Variants in ORC1 observed in about 807,000 individuals in gnomAD.
ORC1 encodes the protein origin recognition complex, subunit 1 homolog.
In ORC1, 61 loss-of-function variants were observed where a neutral mutation model predicts 98.9. That is an observed-to-expected ratio of 0.62 (90% CI 0.50 to 0.76). ORC1 has a LOEUF of 0.76. Ranked by LOEUF, ORC1 falls within the 30% of genes least tolerant of loss-of-function variation. ORC1 has a pLI of 0.00. For synonymous variants in ORC1, 385 were observed against 406.9 expected, an observed-to-expected ratio of 0.95 and a Z score of 0.65; for missense variants, 979 against 1,072.2, an observed-to-expected ratio of 0.91 and a Z score of 1.21.
upstream of ORC1, chr1:52,408,846 T>G: frequency 1.1e-6 from 1 of 880,242 alleles, no homozygotes; most frequent in Non-Finnish European, 1.7e-6. Context: ...CTCATGGGAG[T>G]TTTCAGTCTG....
At chr1:52,373,495 GA>G in intron 16 of ORC1, 120 bp from the exon 17 acceptor site, 2 of 830,298 alleles carry the variant, frequency 2.4e-6, no homozygotes, top group Non-Finnish European at 4.0e-6. Context: ...AAACACTCCA[GA>G]AGGCATCAGT....
chr1:52,393,454 G>A lies in ORC1; in HGVS notation c.1071C>T (p.Asn357=), dbSNP rs575080218. ...ATGTCCCTGGTCACCTCTTTTTGAT[G>A]TTTTCTGGTTTCAGAATCACGGATG... ...VVPSVILKPE[N]IKKRDAKEAK... The change falls in exon 6 of 17, where the codon AAC becomes AAT. Residue 357 remains asparagine, a synonymous_variant. Transcript: ENST00000371568. 6.2e-7 allele frequency: 1 copy of A among 1,614,164 alleles called. No individual in the cohort carries two copies. Among genetic ancestry groups the A allele is most frequent in the South Asian group, 1.1e-5 (1 of 91,082 alleles).
At chr1:52,405,713 G>T (rs543339190), upstream of ORC1, 23 of 1,613,846 alleles carry the variant, frequency 1.4e-5, no homozygotes, top group Middle Eastern at 3.4e-4. Flanking sequence ...ATGGAGTTAA[G>T]GTTTGTGGGT....
At chr1:52,383,272 C>T in intron 13 of ORC1, 148 bp downstream of exon 13, 2 of 828,306 alleles carry the variant, frequency 2.4e-6, no homozygotes, top group Non-Finnish European at 4.1e-6. Flanking sequence ...TGGTCTTGAA[C>T]TCCTGACCTC....
intron 14 of ORC1, among the ~76,000 whole-genome samples, chr1:52,376,062 G>A (rs961058432): frequency 6.6e-6 from 1 of 152,152 alleles, no homozygotes; most frequent in African/African-American, 2.4e-5. Context: ...CAATGGCTAA[G>A]AGGACCAGAA....
At chr1:52,382,596 T>TG (rs1491256722) in intron 13 of ORC1, among the ~76,000 whole-genome samples, 2 of 125,146 alleles carry the variant, frequency 1.6e-5, no homozygotes, top group South Asian at 2.4e-4. Context: ...TTTTTTTTTT[T>TG]GAGACAGAGT....
intron 14 of ORC1, among the ~76,000 whole-genome samples, chr1:52,379,245 T>A (rs1051174191): frequency 2.7e-5 from 4 of 149,662 alleles, no homozygotes; most frequent in Non-Finnish European, 4.5e-5. Flanking sequence ...TAGGGTATTT[T>A]TTTTTTTTTT....
In ORC1 at chr1:52,401,475, T is replaced by G; in HGVS notation, c.110A>C (p.Lys37Thr). ...HYQTYREMCV[K>T]TEGCSTEIHI... ...AATCTCGGTGGAACAACCTTCTGTT[T>G]TCACACACATTTCTCTAGGAAGTAA... Residue 37 changes from lysine (K) to threonine (T), a missense_variant, in exon 3 of 17, where the codon AAA (lysine) becomes ACA (threonine). Coordinates refer to ENST00000371568, the MANE Select transcript of ORC1 (RefSeq NM_004153.4). The G allele has an allele frequency of 6.2e-7, 1 of 1,613,486 alleles. No individual in the cohort carries two copies. The highest frequency in any genetic ancestry group is 8.5e-7 in the Non-Finnish European group (1 of 1,179,860).
chr1:52,406,240 C>G (rs566623286), upstream of ORC1, among the ~76,000 whole-genome samples: 34 of 152,208 alleles, frequency 2.2e-4, no homozygotes, highest in East Asian at 3.9e-4. Context: ...CCCCTCCCCC[C>G]CCGGGCCTCC....
At position 52,383,849 on chromosome 1, in the gene ORC1, G is replaced by A; in HGVS notation, c.1844C>T (p.Thr615Ile). 1 of 1,614,008 alleles carries A rather than the reference G, an allele frequency of 6.2e-7. No individual in the cohort carries two copies. ...FCTRGSPQET[T>I]VLLVDELDLL... ...CCTCACCTCATCCACAAGCAGGACG[G>A]TGGTTTCCTGAGGTGACCCTCGGGT... The change falls in exon 12 of 17, where the codon ACC becomes ATC. Residue 615 changes from threonine to isoleucine, a missense_variant. Thr to Ile is a moderately conservative substitution (Grantham distance 89, BLOSUM62 -1). Transcript: ENST00000371568.
chr1:52,386,686 G>A (rs1056531512), intron 8 of ORC1, among the ~76,000 whole-genome samples: 11 of 152,296 alleles, frequency 7.2e-5, no homozygotes, highest in African/African-American at 2.4e-4. Context: ...TTACAGGCTG[G>A]TGCGGTGACT....
At chr1:52,383,343 C>G in intron 13 of ORC1, 77 bp downstream of exon 13, 1 of 1,578,550 alleles carries the variant, frequency 6.3e-7, no homozygotes, top group South Asian at 1.1e-5. Flanking sequence ...GCCACCACAC[C>G]TGGACCATTT....
intron 5 of ORC1, among the ~76,000 whole-genome samples, chr1:52,395,075 A>C (rs1647332805): frequency 6.6e-6 from 1 of 152,228 alleles, no homozygotes; most frequent in South Asian, 2.1e-4. Flanking sequence ...TCAAGAATAC[A>C]AGTAACTTAT....
chr1:52,384,715 CA>C lies in ORC1; in HGVS notation c.1589del (p.Met530SerfsTer18). The stretch of plus-strand genomic sequence containing the variant: ...CTGTCCCAGGGACACCGGAGATGTA[CA>C]TGCACCTAGAGCAAGAGAGGAAAAC... ...SKLLDHTGGC[M>X]YISGVPGTGK... On this transcript the variant is annotated frameshift_variant, in exon 11 of 17. Coordinates refer to ENST00000371568, the MANE Select transcript of ORC1 (RefSeq NM_004153.4). LOFTEE classifies it high-confidence loss of function. 1 of 1,613,492 alleles carries C rather than the reference CA, an allele frequency of 6.2e-7. No homozygotes were observed. Among genetic ancestry groups the C allele is most frequent in the Non-Finnish European group, 8.5e-7 (1 of 1,179,856 alleles).
intron 14 of ORC1, among the ~76,000 whole-genome samples, chr1:52,378,324 AAC>A (rs1647020698): frequency 6.8e-6 from 1 of 147,074 alleles, no homozygotes; most frequent in Non-Finnish European, 1.5e-5. Context: ...CAGCCTGGGC[AAC>A]AGAGTGAGAC....
intron 5 of ORC1, among the ~76,000 whole-genome samples, chr1:52,394,621 G>GA (rs958811267): frequency 2.2e-3 from 322 of 146,620 alleles, no homozygotes; most frequent in Admixed American, 3.8e-3. Context: ...AGGACCTAAA[G>GA]AAAAAAAAAA....
chr1:52,393,535 A>G lies in ORC1; in HGVS notation c.990T>C (p.Ile330=), dbSNP rs747956708. The G allele has an allele frequency of 2.0e-5, 32 of 1,613,844 alleles. No homozygotes were observed. In the Middle Eastern group the frequency reaches 6.6e-4, roughly 33 times the overall value. The change falls in exon 6 of 17, where the codon ATT becomes ATC. Residue 330 remains isoleucine, a synonymous_variant. Coordinates refer to ENST00000371568, the MANE Select transcript of ORC1 (RefSeq NM_004153.4). ...TRIAASKTID[I]REERTLTPIS... is the part of the protein sequence containing the mutation. ...TAGGGGTAAGTGTTCTCTCCTCTCT[A>G]ATGTCTATGGTTTTCGAAGCTGCAA...
intron 1 of ORC1, among the ~76,000 whole-genome samples, chr1:52,403,429 A>C (rs114762076): frequency 6.6e-6 from 1 of 152,360 alleles, no homozygotes; most frequent in Non-Finnish European, 1.5e-5. Flanking sequence ...CAAACCTCCT[A>C]AAGTCCACAT....
At chr1:52,390,958 C>T (rs528765285) in intron 6 of ORC1, among the ~76,000 whole-genome samples, 3 of 146,570 alleles carry the variant, frequency 2.0e-5, no homozygotes, top group Non-Finnish European at 3.0e-5. Context: ...TCATCTTATA[C>T]AAAAATCAAC....
Sources: allele counts gnomAD v4.1 joint callset (sites outside exome capture counted in the v4.1 genomes callset), GRCh38; gene constraint gnomAD v4.1.1; transcripts MANE v1.5; gene names NCBI Gene and HGNC (gene_info 2026-07-23, HGNC 2026-07-21).